Variants in SPNS2 observed in about 807,000 individuals in gnomAD.
The protein encoded by SPNS2 is sphingosine-1-phosphate transporter SPNS2.
In SPNS2, 37 loss-of-function variants were observed where a neutral mutation model predicts 57.6. The ratio of observed to expected loss-of-function variants is 0.64; its 90% CI spans 0.49 to 0.85. The LOEUF (loss-of-function observed/expected upper bound fraction) is 0.85, where lower values mean the gene tolerates loss of function less well. Ranked by LOEUF, SPNS2 falls within the 40% of genes least tolerant of loss-of-function variation. The pLI is 0.00. For synonymous variants in SPNS2, 440 were observed against 346.9 expected, an observed-to-expected ratio of 1.27 and a Z score of -2.98; for missense variants, 831 against 779.1, an observed-to-expected ratio of 1.07 and a Z score of -0.79.
At chr17:4,534,284 A>C in intron 9 of SPNS2, 7 of 244,002 alleles carry the variant, frequency 2.9e-5, no homozygotes, top group Non-Finnish European at 4.1e-5. Context: ...AGGGCCAACA[A>C]TGGGCTCTAG....
chr17:4,536,439 G>GGGA lies in SPNS2; in HGVS notation c.1607+13_1607+14insGGA, dbSNP rs1555538180. On this transcript the variant is annotated intron_variant, in intron 11 of 12. Coordinates refer to ENST00000329078, the MANE Select transcript of SPNS2 (RefSeq NM_001124758.3). ...GGGCTGAGCAGCAGTGAGTGGGGGGGAGGGGAGGCCCTGCTGCACCGCCGG... is the reference window on the plus strand; with the variant it reads ...GGGCTGAGCAGCAGTGAGTGGGGGGGGGAAGGGGAGGCCCTGCTGCACCGCCGG... 42 of 1,582,926 alleles carry GGGA rather than the reference G, an allele frequency of 2.7e-5. No homozygotes were observed. Among genetic ancestry groups the GGGA allele is most frequent in the Middle Eastern group, 3.4e-4 (2 of 5,900 alleles).
rs1904880282 is a variant in SPNS2 at position 4,512,903 on chromosome 17, T to C, written c.371-344T>C. Reference sequence around the variant, plus strand: ...TTGTGTTCCCCCTGAGGGAAAGGCCTATGTCTATTGCACTGATCCACGGCC... The same window carrying C: ...TTGTGTTCCCCCTGAGGGAAAGGCCCATGTCTATTGCACTGATCCACGGCC... On this transcript the variant is annotated intron_variant, in intron 1 of 12. Coordinates refer to ENST00000329078, the MANE Select transcript of SPNS2 (RefSeq NM_001124758.3). This position sits in a 1 kb window ranked among gnomAD's most constrained non-coding sequence, Gnocchi z 5.2. 1.3e-5 allele frequency among the ~76,000 whole-genome samples: 2 copies of C among 152,154 alleles called. No individual in the cohort carries two copies. Among genetic ancestry groups the C allele is most frequent in the African/African-American group, 4.8e-5 (2 of 41,444 alleles).
Position 4,530,621 on chromosome 17 carries a change from C to T in SPNS2, c.574-11C>T. 1 of 1,608,880 alleles carries T rather than the reference C, an allele frequency of 6.2e-7. No homozygotes were observed. The highest frequency in any genetic ancestry group is 8.5e-7 in the Non-Finnish European group (1 of 1,177,610). On this transcript the variant is annotated splice_polypyrimidine_tract_variant and intron_variant, in intron 3 of 12. Transcript: ENST00000329078. ...AGTCGGTCCCCCAGCATCCTCCACC[C>T]CTCCTCACAGTACTTCTGGCTGCTG... is the stretch of plus-strand genomic sequence containing the variant.
chr17:4,534,204 G>A (rs1037801413), intron 9 of SPNS2, among the ~76,000 whole-genome samples: 5 of 152,204 alleles, frequency 3.3e-5, no homozygotes, highest in Non-Finnish European at 5.9e-5. Flanking sequence ...CATAGGCTCT[G>A]CCCTCTCTAC....
At position 4,534,718 on chromosome 17, in the gene SPNS2, C is replaced by T. The variant is rs531735764; in HGVS notation, c.1344+865C>T. On this transcript the variant is annotated intron_variant, in intron 9 of 12. Coordinates refer to ENST00000329078, the MANE Select transcript of SPNS2 (RefSeq NM_001124758.3). ...TGTGTCCTCCCGAGTCCATGGGCTG[C>T]GGTGGTGGTGGGGAGGCCTGGCGCA... Among the ~76,000 whole-genome samples, 222 of 152,142 alleles carry T rather than the reference C, an allele frequency of 1.5e-3. 1 individual carries two copies. Among genetic ancestry groups the T allele is most frequent in the African/African-American group, 5.0e-3 (209 of 41,496 alleles).
intron 2 of SPNS2, among the ~76,000 whole-genome samples, chr17:4,520,258 G>T (rs977288628): frequency 1.3e-5 from 2 of 152,234 alleles, no homozygotes; most frequent in Non-Finnish European, 2.9e-5. Context: ...GCCAGCTTCT[G>T]CCAGGAGTCC....
chr17:4,533,837 C>T lies in SPNS2; in HGVS notation c.1328C>T (p.Thr443Ile), dbSNP rs745418264. The T allele has an allele frequency of 1.2e-6, 2 of 1,613,136 alleles. No homozygotes were observed. The highest frequency in any genetic ancestry group is 1.7e-6 in the Non-Finnish European group (2 of 1,179,884). The change falls in exon 9 of 13, where the codon ACT (threonine) becomes ATT (isoleucine). Residue 443 changes from threonine to isoleucine, a missense_variant. Thr to Ile is a moderately conservative substitution (Grantham distance 89, BLOSUM62 -1). Around this residue, in one of 2 missense-constraint regions of SPNS2, gnomAD observed 526 missense variants for 400.9 expected, o/e 1.31. Coordinates refer to ENST00000329078, the MANE Select transcript of SPNS2 (RefSeq NM_001124758.3). The stretch of plus-strand genomic sequence containing the variant: ...CTGCTGTTTTCTAACTGGGCCATCA[C>T]TGCAGACATCCTCATGGTGAGCCAG... ...ETLLFSNWAI[T>I]ADILMYVVIP... is the part of the protein sequence containing the mutation.
At chr17:4,531,303 G>C (rs929168226) in intron 5 of SPNS2, among the ~76,000 whole-genome samples, 184 bp downstream of exon 5, 3 of 152,206 alleles carry the variant, frequency 2.0e-5, no homozygotes, top group African/African-American at 7.2e-5. Flanking sequence ...CAGATGTCCC[G>C]ATTGAGGTGT....
rs942314545 is a variant in SPNS2, at chr17:4,512,783, C to T, written c.371-464C>T. Among the ~76,000 whole-genome samples the T allele has an allele frequency of 3.9e-5, 6 of 152,108 alleles. No individual in the cohort carries two copies. The highest frequency in any genetic ancestry group is 2.0e-4 in the Admixed American group (3 of 15,280). ...GTGTGTGTGCGAATGTGGTTGTGCA[C>T]ATGTGCAGGTGAACCAGAGTGAGCG... On this transcript the variant is annotated intron_variant, in intron 1 of 12. Transcript: ENST00000329078. This position sits in a 1 kb window ranked among gnomAD's most constrained non-coding sequence, Gnocchi z 5.2.
intron 5 of SPNS2, among the ~76,000 whole-genome samples, chr17:4,531,339 C>T (rs1263630027): frequency 1.3e-5 from 2 of 152,122 alleles, no homozygotes; most frequent in African/African-American, 4.8e-5. Flanking sequence ...CCCCGCCGCC[C>T]TCGGGGCCCC....
Position 4,537,697 on chromosome 17 carries a change from C to T in SPNS2, c.*249C>T. 4.4e-6 allele frequency: 2 copies of T among 456,768 alleles called. No homozygotes were observed. Among genetic ancestry groups the T allele is most frequent in the Non-Finnish European group, 8.8e-6 (2 of 226,970 alleles). 28.3% of individuals were successfully genotyped at this position (456,768 alleles called of 1,614,324 possible). A position where few individuals can be genotyped will look rare whatever the true frequency, so the allele number is the denominator to read the frequency against. On this transcript the variant is annotated 3_prime_UTR_variant, in exon 13 of 13. Transcript: ENST00000329078. ...GGTTCCCAGCCCTAGGTTTGGGCCGCAGGGCCCCTGGGGCCAAGGAAGAAG... is the reference window on the plus strand; with the variant it reads ...GGTTCCCAGCCCTAGGTTTGGGCCGTAGGGCCCCTGGGGCCAAGGAAGAAG...
intron 1 of SPNS2, among the ~76,000 whole-genome samples, chr17:4,506,596 G>T (rs542597621): frequency 2.0e-5 from 3 of 152,284 alleles, no homozygotes; most frequent in East Asian, 1.9e-4. Flanking sequence ...GCCCGGCCCC[G>T]CCCACTCTTG....
Position 4,499,298 on chromosome 17 carries a change from C to T in SPNS2, c.251C>T (p.Ala84Val). 1 of 1,495,140 alleles carries T rather than the reference C, an allele frequency of 6.7e-7. No individual in the cohort carries two copies. Among genetic ancestry groups the T allele is most frequent in the South Asian group, 1.3e-5 (1 of 79,884 alleles). The allele number at this position is 1,495,140 out of a possible 1,614,324, so 92.6% of individuals were successfully genotyped here. ...GGCACCCCCGGCTGCGCAGCTACTGCAAAGGGCCCCGGCGCTCAGCAGCCC... is the reference window on the plus strand; with the variant it reads ...GGCACCCCCGGCTGCGCAGCTACTGTAAAGGGCCCCGGCGCTCAGCAGCCC... The part of the protein sequence containing the change: ...TPGTPGCAAT[A>V]KGPGAQQPKP... Residue 84 changes from alanine (A) to valine (V), a missense_variant, in exon 1 of 13, where the codon GCA becomes GTA. Physicochemically the swap from Ala to Val is moderately conservative, Grantham distance 64. Around this residue, in one of 2 missense-constraint regions of SPNS2, gnomAD observed 305 missense variants for 378.3 expected, o/e 0.81. Coordinates refer to ENST00000329078, the MANE Select transcript of SPNS2 (RefSeq NM_001124758.3). This position sits in a 1 kb window ranked among gnomAD's most constrained non-coding sequence, Gnocchi z 5.2.
chr17:4,500,123 G>A (rs1014153016), intron 1 of SPNS2, among the ~76,000 whole-genome samples: 8 of 152,200 alleles, frequency 5.3e-5, no homozygotes, highest in African/African-American at 1.9e-4. Context: ...AGGGTAGGGC[G>A]CAGGCCTCTG....
chr17:4,538,963 T>C lies in SPNS2; in HGVS notation c.*1515T>C, dbSNP rs1906053271. Reference sequence around the variant, plus strand: ...CTTTATTTTTTAGAGCTGCTGATTGTGAATCTCAGAGTCTTAAGAGAGAAG... The same window carrying C: ...CTTTATTTTTTAGAGCTGCTGATTGCGAATCTCAGAGTCTTAAGAGAGAAG... On this transcript the variant is annotated 3_prime_UTR_variant, in exon 13 of 13. Transcript: ENST00000329078. 2 of 787,930 alleles carry C rather than the reference T, an allele frequency of 2.5e-6. No individual in the cohort carries two copies. Among genetic ancestry groups the C allele is most frequent in the East Asian group, 2.4e-5 (1 of 41,290 alleles). The allele number at this position is 787,930 out of a possible 1,614,324, so 48.8% of individuals were successfully genotyped here.
chr17:4,532,480 C>T, intron 5 of SPNS2, 62 bp from the exon 6 acceptor site: 1 of 1,609,968 alleles, frequency 6.2e-7, no homozygotes, highest in Non-Finnish European at 8.5e-7. Flanking sequence ...CTGAGTCCCT[C>T]CTTCTGCAGC....
intron 9 of SPNS2, among the ~76,000 whole-genome samples, chr17:4,535,394 A>T (rs1905729423): frequency 6.6e-6 from 1 of 152,156 alleles, no homozygotes; most frequent in Non-Finnish European, 1.5e-5. Flanking sequence ...GAGGGGAACC[A>T]AGATGGGTCT....
At chr17:4,514,346 C>A (rs1159225831) in intron 2 of SPNS2, among the ~76,000 whole-genome samples, 1 of 152,196 alleles carries the variant, frequency 6.6e-6, no homozygotes, top group Non-Finnish European at 1.5e-5. Context: ...TGAACCCCTT[C>A]CCCTGCCTGG....
chr17:4,511,113 C>A lies in SPNS2; in HGVS notation c.371-2134C>A, dbSNP rs546128799. On this transcript the variant is annotated intron_variant, in intron 1 of 12. Coordinates refer to ENST00000329078, the MANE Select transcript of SPNS2 (RefSeq NM_001124758.3). The surrounding 1 kb of genome is among the most constrained non-coding windows in gnomAD (Gnocchi z 4.6). ...GGAAGCGGTAACTAGCGGCTCTCAGCTCAGGAGGAGCTCATAGCTGTGCTT... is the reference window on the plus strand; with the variant it reads ...GGAAGCGGTAACTAGCGGCTCTCAGATCAGGAGGAGCTCATAGCTGTGCTT... 5.3e-5 allele frequency among the ~76,000 whole-genome samples: 8 copies of A among 152,356 alleles called. No individual in the cohort carries two copies. Among genetic ancestry groups the A allele is most frequent in the African/African-American group, 1.9e-4 (8 of 41,568 alleles).
Sources: gnomAD v4.1 joint callset for allele counts (sites outside exome capture counted in the v4.1 genomes callset) on GRCh38, gnomAD v4.1.1 for gene constraint, gnomAD v4.1.1 regional missense constraint, Gnocchi (gnomAD v3.1) non-coding constraint, MANE v1.5 for transcripts, NCBI Gene and HGNC (gene_info 2026-07-23, HGNC 2026-07-21) for gene names.